The following FHIP1A variants were observed in gnomAD, a reference collection of about 807,000 sequenced individuals.
FHIP1A encodes FHF complex subunit HOOK interacting protein 1A, also known as FHF complex subunit HOOK-interacting protein 1A.
A neutral mutation model predicts 88.6 loss-of-function variants in FHIP1A; 61 were observed. The ratio of observed to expected loss-of-function variants is 0.69; its 90% CI spans 0.56 to 0.85. FHIP1A has a LOEUF of 0.85. FHIP1A is among the 40% of genes least tolerant of loss of function. The pLI, the probability that FHIP1A is intolerant of heterozygous loss-of-function variation, is 0.00. For synonymous variants in FHIP1A, 478 were observed against 496.0 expected (o/e 0.96, Z 0.48); for missense variants, 1,154 against 1,273.5 (o/e 0.91, Z 1.43).
rs1731018291 is a variant in FHIP1A, at chr4:151,511,280, C to G, written c.-123+28632C>G. ...GTCCATGGGGTAGAGTTAAAATATT[C>G]ATGAAATGCAATCCCGAGGTGGAGC... On this transcript the variant is annotated intron_variant, in intron 3 of 13. Coordinates refer to ENST00000435205, the MANE Select transcript of FHIP1A (RefSeq NM_001109977.3). Among the ~76,000 whole-genome samples, 3 of 152,178 alleles carry G rather than the reference C, an allele frequency of 2.0e-5. No homozygotes were observed. In the South Asian group the frequency reaches 6.2e-4, roughly 31 times the overall value.
chr4:151,619,488 GGTGA>G (rs1735657960), intron 7 of FHIP1A, among the ~76,000 whole-genome samples: 1 of 152,110 alleles, frequency 6.6e-6, no homozygotes, highest in Admixed American at 6.6e-5. Flanking sequence ...ACTTAGTAAT[GGTGA>G]GTACTAGATA....
chr4:151,490,043 G>A (rs1170395624), intron 3 of FHIP1A, among the ~76,000 whole-genome samples: 3 of 152,078 alleles, frequency 2.0e-5, no homozygotes, highest in Non-Finnish European at 2.9e-5. Flanking sequence ...CTCCTGGCTG[G>A]AAACCAACCA....
At chr4:151,493,861 A>C (rs748566551) in intron 3 of FHIP1A, among the ~76,000 whole-genome samples, 2 of 152,226 alleles carry the variant, frequency 1.3e-5, no homozygotes, top group Non-Finnish European at 1.5e-5. Context: ...ACCCACAGCC[A>C]ACATTATACT....
intron 7 of FHIP1A, among the ~76,000 whole-genome samples, chr4:151,592,523 A>G (rs1734479027): frequency 6.6e-6 from 1 of 152,226 alleles, no homozygotes. Flanking sequence ...ATGACCAATG[A>G]TGGTGAGCTT....
At chr4:151,604,630 C>G (rs1735000144) in intron 7 of FHIP1A, among the ~76,000 whole-genome samples, 1 of 152,264 alleles carries the variant, frequency 6.6e-6, no homozygotes, top group Middle Eastern at 3.4e-3. Context: ...GGGCACATCA[C>G]CTGAGGTCAG....
intron 3 of FHIP1A, among the ~76,000 whole-genome samples, chr4:151,506,965 A>G (rs1484286479): frequency 6.6e-6 from 1 of 152,188 alleles, no homozygotes; most frequent in Non-Finnish European, 1.5e-5. Context: ...AAATAAATCA[A>G]ATATGACATG....
intron 7 of FHIP1A, among the ~76,000 whole-genome samples, chr4:151,624,657 G>A (rs1013563352): frequency 1.2e-4 from 19 of 152,110 alleles, no homozygotes; most frequent in Non-Finnish European, 2.1e-4. Context: ...AATCCTCATT[G>A]TAGCCAGTCT....
intron 6 of FHIP1A, 114 bp downstream of exon 6, chr4:151,586,913 A>T: frequency 1.2e-6 from 1 of 830,056 alleles, no homozygotes; most frequent in Non-Finnish European, 1.7e-6. Context: ...TGTTTATGGA[A>T]TATTGGTGCT....
chr4:151,636,381 A>G (rs893761061), intron 8 of FHIP1A, among the ~76,000 whole-genome samples: 31 of 151,988 alleles, frequency 2.0e-4, no homozygotes, highest in Admixed American at 3.3e-4. Flanking sequence ...TCTCTCCTCA[A>G]TTCTATTCAA....
At chr4:151,597,158 TG>T (rs1396933008) in intron 7 of FHIP1A, among the ~76,000 whole-genome samples, 1 of 152,176 alleles carries the variant, frequency 6.6e-6, no homozygotes, top group Non-Finnish European at 1.5e-5. Flanking sequence ...TTCATCTTTG[TG>T]GATTTATCTA....
At chr4:151,650,626 T>A (rs1167726254) in intron 11 of FHIP1A, 34 bp downstream of exon 11, 1 of 1,519,032 alleles carries the variant, frequency 6.6e-7, no homozygotes, top group South Asian at 1.3e-5. Flanking sequence ...GGTTTCTGCT[T>A]TCGAAAGTAC....
chr4:151,532,340 G>A (rs1412636119), intron 3 of FHIP1A, among the ~76,000 whole-genome samples: 1 of 152,134 alleles, frequency 6.6e-6, no homozygotes, highest in African/African-American at 2.4e-5. Context: ...AGTACCTCAA[G>A]TATCTTCATT....
chr4:151,609,260 G>C (rs1413073780), intron 7 of FHIP1A, among the ~76,000 whole-genome samples: 1 of 152,188 alleles, frequency 6.6e-6, no homozygotes, highest in Non-Finnish European at 1.5e-5. Context: ...AGGGAAAAGA[G>C]TGCTCCTTAT....
intron 7 of FHIP1A, among the ~76,000 whole-genome samples, chr4:151,597,737 G>C (rs1359195317): frequency 6.6e-6 from 1 of 152,198 alleles, no homozygotes; most frequent in Non-Finnish European, 1.5e-5. Flanking sequence ...CCAGAGAGGA[G>C]GAATCTAGAG....
At chr4:151,660,375 T>G (rs917532056) in intron 13 of FHIP1A, among the ~76,000 whole-genome samples, 2 of 151,926 alleles carry the variant, frequency 1.3e-5, no homozygotes. Flanking sequence ...GACAAATGAG[T>G]CACAAAACCC....
At chr4:151,575,686 A>G (rs1437069975) in intron 4 of FHIP1A, among the ~76,000 whole-genome samples, 1 of 152,182 alleles carries the variant, frequency 6.6e-6, no homozygotes, top group Non-Finnish European at 1.5e-5. Context: ...ATGGAAGTCA[A>G]TAGAGATTAT....
In FHIP1A at chr4:151,608,897, C is replaced by T. The variant is rs77220668; in HGVS notation, c.978+19971C>T. Among the ~76,000 whole-genome samples, 808 of 152,104 alleles carry T rather than the reference C, an allele frequency of 5.3e-3. 6 individuals are homozygous for T. The highest frequency in any genetic ancestry group is 0.019 in the African/African-American group (786 of 41,472). ...AAGACTTAGTAGTAGTATCTAAAGG[C>T]GAGTAGTGAAAGGAGATTGTTGGGT... On this transcript the variant is annotated intron_variant, in intron 7 of 13. Transcript: ENST00000435205.
intron 3 of FHIP1A, among the ~76,000 whole-genome samples, chr4:151,548,941 A>G (rs1031381479): frequency 2.0e-5 from 3 of 152,224 alleles, no homozygotes; most frequent in African/African-American, 7.2e-5. Context: ...AGATGGAACA[A>G]TGGTGAGAGC....
At chr4:151,563,777 C>T (rs961526392) in intron 3 of FHIP1A, among the ~76,000 whole-genome samples, 4 of 151,936 alleles carry the variant, frequency 2.6e-5, no homozygotes, top group Non-Finnish European at 4.4e-5. Context: ...ATTGCTTGAG[C>T]TCAGGAGTTC....
Sources: gnomAD v4.1 joint callset for allele counts (sites outside exome capture counted in the v4.1 genomes callset) on GRCh38, gnomAD v4.1.1 for gene constraint, MANE v1.5 for transcripts, NCBI Gene and HGNC (gene_info 2026-07-23, HGNC 2026-07-21) for gene names.